Variants in ADAMTSL1 observed in about 807,000 individuals in gnomAD.
ADAMTSL1 encodes the protein ADAMTS-like protein 1.
Under a neutral mutation model 201.8 loss-of-function variants are expected in ADAMTSL1, and 126 were observed. That is an observed-to-expected ratio of 0.62 (90% confidence interval 0.54 to 0.72). The LOEUF (loss-of-function observed/expected upper bound fraction) is 0.72. Ranked by LOEUF, ADAMTSL1 falls within the 30% of genes least tolerant of loss-of-function variation. The pLI is 0.00. For synonymous variants in ADAMTSL1, 1,121 were observed against 903.4 expected (o/e 1.24, Z -4.32); for missense variants, 2,679 against 2,277.8 (o/e 1.18, Z -3.59).
chr9:18,296,825 G>A (rs1039779344), intron 2 of ADAMTSL1, among the ~76,000 whole-genome samples: 18 of 152,078 alleles, frequency 1.2e-4, no homozygotes, highest in African/African-American at 3.9e-4. Flanking sequence ...TCTCATTTAC[G>A]CTGGAGGTCA....
In ADAMTSL1 at chr9:18,267,770, A is replaced by AAC. The variant is rs370000898; in HGVS notation, c.207+103790_207+103791insCA. Reference sequence around the variant, plus strand: ...GGTTACTCAAAGGCTATTAAAAAAAAAAAACAAAAACAAAAACAAAAAAAC... The same window carrying AAC: ...GGTTACTCAAAGGCTATTAAAAAAAAACAAAACAAAAACAAAAACAAAAAAAC... On this transcript the variant is annotated intron_variant, in intron 2 of 29. Transcript: ENST00000680146. 7.5e-4 allele frequency among the ~76,000 whole-genome samples: 110 copies of AAC among 146,804 alleles called. 2 individuals carry two copies. In the South Asian group the frequency reaches 0.022, roughly 29 times the overall value.
intron 1 of ADAMTSL1, among the ~76,000 whole-genome samples, chr9:18,100,466 G>A (rs1410226737): frequency 6.6e-6 from 1 of 152,110 alleles, no homozygotes; most frequent in Non-Finnish European, 1.5e-5. Flanking sequence ...ACCATGCCTG[G>A]CTAATTTCCC....
Position 18,777,247 on chromosome 9 carries a change from C to G in ADAMTSL1, c.3018C>G (p.Ser1006Arg). 6.2e-7 allele frequency: 1 copy of G among 1,612,382 alleles called. No individual in the cohort carries two copies. Among genetic ancestry groups the G allele is most frequent in the Non-Finnish European group, 8.5e-7 (1 of 1,179,626 alleles). ...KHQNGIFSNG[S>R]KAEKRGLAAN... ...AGAACGGGATCTTCTCCAACGGCAG[C>G]AAGGCGGAGAAGCGGGGCCTGGCCG... The change falls in exon 19 of 29, where the codon AGC (serine) becomes AGG (arginine). Residue 1006 changes from serine (S) to arginine (R), a missense_variant. Physicochemically the swap from Ser to Arg is moderately radical, Grantham distance 110 (BLOSUM62 -1). Coordinates refer to ENST00000380548, the MANE Select transcript of ADAMTSL1 (RefSeq NM_001040272.6).
At chr9:18,788,587 G>T (rs888653944) in intron 19 of ADAMTSL1, among the ~76,000 whole-genome samples, 5 of 152,136 alleles carry the variant, frequency 3.3e-5, no homozygotes, top group Non-Finnish European at 5.9e-5. Context: ...TAGTAACATG[G>T]TAGTAAGGAT....
chr9:18,646,358 T>C (rs1428493937), intron 7 of ADAMTSL1, among the ~76,000 whole-genome samples: 1 of 152,158 alleles, frequency 6.6e-6, no homozygotes, highest in East Asian at 1.9e-4. Context: ...GACTTCCTCT[T>C]TTCCTAATTG....
At chr9:18,277,254 T>G (rs1832621511) in intron 2 of ADAMTSL1, among the ~76,000 whole-genome samples, 1 of 152,204 alleles carries the variant, frequency 6.6e-6, no homozygotes, top group South Asian at 2.1e-4. Context: ...GTGTGTTAAG[T>G]CCCTTTGGTC....
chr9:18,801,618 G>A (rs1026192883), intron 20 of ADAMTSL1, among the ~76,000 whole-genome samples: 4 of 152,112 alleles, frequency 2.6e-5, no homozygotes, highest in African/African-American at 9.7e-5. Context: ...ACTTATAAGT[G>A]AGCACATGCA....
intron 3 of ADAMTSL1, among the ~76,000 whole-genome samples, chr9:18,533,794 C>T (rs2132110113): frequency 6.6e-6 from 1 of 152,286 alleles, no homozygotes; most frequent in Middle Eastern, 3.4e-3. Context: ...GACAGATGTG[C>T]ATTGCACATA....
At chr9:18,786,080 A>T (rs956320363) in intron 19 of ADAMTSL1, among the ~76,000 whole-genome samples, 1 of 152,206 alleles carries the variant, frequency 6.6e-6, no homozygotes, top group Non-Finnish European at 1.5e-5. Flanking sequence ...TTTTCTTTTC[A>T]AAAGGAATGC....
At position 17,912,327 on chromosome 9, in the gene ADAMTSL1, C is replaced by T. The variant is rs1588402085; in HGVS notation, c.87+5405C>T. 3.2e-5 allele frequency among the ~76,000 whole-genome samples: 2 copies of T among 62,122 alleles called. 1 individual carries two copies. The highest frequency in any genetic ancestry group is 2.5e-3 in the South Asian group (2 of 812). The allele number at this position is 62,122 out of a possible 152,430, so 40.8% of individuals were successfully genotyped here. The stretch of plus-strand genomic sequence containing the variant: ...ACAGTGTAAAAGTGTTCCTATTTCT[C>T]CACATCCTCTCCAGCACCTGTTGTT... On this transcript the variant is annotated intron_variant, in intron 1 of 29. Transcript: ENST00000680146.
chr9:18,276,576 T>A (rs1255805582), intron 2 of ADAMTSL1, among the ~76,000 whole-genome samples: 1 of 152,102 alleles, frequency 6.6e-6, no homozygotes, highest in Non-Finnish European at 1.5e-5. Flanking sequence ...AGATGAGAGG[T>A]TTATTTTGGC....
At chr9:18,495,860 G>T (rs1046798080) in intron 1 of ADAMTSL1, among the ~76,000 whole-genome samples, 1 of 152,132 alleles carries the variant, frequency 6.6e-6, no homozygotes, top group African/African-American at 2.4e-5. Flanking sequence ...ATTTCTCATG[G>T]TCTTGCTTTC....
intron 1 of ADAMTSL1, among the ~76,000 whole-genome samples, chr9:18,073,041 A>G (rs1334440342): frequency 6.6e-6 from 1 of 152,184 alleles, no homozygotes; most frequent in Non-Finnish European, 1.5e-5. Flanking sequence ...GGGTAGATTA[A>G]TAGTGTTGTC....
At chr9:18,240,955 A>G (rs1831037989) in intron 2 of ADAMTSL1, among the ~76,000 whole-genome samples, 1 of 152,214 alleles carries the variant, frequency 6.6e-6, no homozygotes. Flanking sequence ...CACAGAATTG[A>G]AGAGAGTTAG....
chr9:18,079,722 T>TA (rs1554691509), intron 1 of ADAMTSL1, among the ~76,000 whole-genome samples: 1 of 143,146 alleles, frequency 7.0e-6, no homozygotes, highest in African/African-American at 2.7e-5. Flanking sequence ...AATAAATAAA[T>TA]AAATAAAATA....
chr9:18,774,556 T>G (rs1291971861), intron 17 of ADAMTSL1, among the ~76,000 whole-genome samples: 1 of 152,198 alleles, frequency 6.6e-6, no homozygotes, highest in African/African-American at 2.4e-5. Flanking sequence ...ATTGTTACCA[T>G]TAATTTTATA....
intron 23 of ADAMTSL1, among the ~76,000 whole-genome samples, chr9:18,832,273 C>T (rs1404127868): frequency 6.6e-6 from 1 of 152,274 alleles, no homozygotes; most frequent in African/African-American, 2.4e-5. Context: ...AAGCTCCCAT[C>T]CCTGACTCCT....
At chr9:18,622,198 A>G (rs370141111) in intron 4 of ADAMTSL1, 45 bp from the exon 5 acceptor site, 4 of 1,599,652 alleles carry the variant, frequency 2.5e-6, no homozygotes, top group African/African-American at 2.7e-5. Flanking sequence ...GGATTTTGCC[A>G]TCGGTAGGTG....
intron 2 of ADAMTSL1, among the ~76,000 whole-genome samples, chr9:18,213,463 G>A (rs1829954207): frequency 6.6e-6 from 1 of 152,170 alleles, no homozygotes; most frequent in South Asian, 2.1e-4. Context: ...AACTTAGTGA[G>A]AAGCTAAACT....
Sources: allele counts gnomAD v4.1 joint callset (sites outside exome capture counted in the v4.1 genomes callset), GRCh38; gene constraint gnomAD v4.1.1; transcripts MANE v1.5; gene names NCBI Gene and HGNC (gene_info 2026-07-23, HGNC 2026-07-21).